PCDH7: variants seen among roughly 807,000 people sequenced by gnomAD.
PCDH7 encodes protocadherin-7.
Under a neutral mutation model 58.9 loss-of-function variants are expected in PCDH7, and 17 were observed. The ratio of observed to expected loss-of-function variants is 0.29; its 90% CI spans 0.20 to 0.43. The LOEUF (loss-of-function observed/expected upper bound fraction) is 0.43, where lower values mean the gene tolerates loss of function less well. Ranked by LOEUF, PCDH7 falls within the 20% of genes least tolerant of loss-of-function variation. PCDH7 has a pLI of 1.00. For synonymous variants in PCDH7, 664 were observed against 616.4 expected (o/e 1.08, Z -1.14); for missense variants, 1,274 against 1,441.0 (o/e 0.88, Z 1.88).
At chr4:31,079,311 T>G (rs1428982041) in intron 3 of PCDH7, among the ~76,000 whole-genome samples, 3 of 1,452 alleles carry the variant, frequency 2.1e-3, no homozygotes, top group African/African-American at 6.8e-3. Flanking sequence ...TACTGGAAGA[T>G]ATATATATAT....
At position 31,041,101 on chromosome 4, in the gene PCDH7, A is replaced by G. The variant is rs1755823308; in HGVS notation, c.*7+90886A>G. On this transcript the variant is annotated intron_variant, in intron 3 of 3. Coordinates refer to the PCDH7 transcript ENST00000509759. ...TTCTGTAATACTTCACAAATTTGGAACATCAACTCTATAAGGGATTTAGTT... is the reference window on the plus strand; with the variant it reads ...TTCTGTAATACTTCACAAATTTGGAGCATCAACTCTATAAGGGATTTAGTT... 2.0e-5 allele frequency among the ~76,000 whole-genome samples: 3 copies of G among 152,200 alleles called. No homozygotes were observed. In the South Asian group the frequency reaches 6.2e-4, roughly 31 times the overall value.
At chr4:31,023,241 A>G (rs991628041) in intron 3 of PCDH7, among the ~76,000 whole-genome samples, 1 of 152,194 alleles carries the variant, frequency 6.6e-6, no homozygotes, top group African/African-American at 2.4e-5. Flanking sequence ...ATTATTGGCA[A>G]CACCAGAATC....
intron 1 of PCDH7, among the ~76,000 whole-genome samples, chr4:30,904,280 G>C (rs1221149072): frequency 2.0e-5 from 3 of 152,082 alleles, no homozygotes; most frequent in Admixed American, 1.3e-4. Flanking sequence ...CTAAAATCAA[G>C]GGGGCTGGCA....
chr4:31,008,314 G>A (rs1219135079), intron 3 of PCDH7, among the ~76,000 whole-genome samples: 3 of 151,932 alleles, frequency 2.0e-5, no homozygotes, highest in Admixed American at 1.3e-4. Flanking sequence ...TAGCTTTTGG[G>A]GAAAAATATA....
chr4:31,036,409 C>T (rs1307785241), intron 3 of PCDH7, among the ~76,000 whole-genome samples: 1 of 152,124 alleles, frequency 6.6e-6, no homozygotes, highest in East Asian at 1.9e-4. Context: ...TGGTCTCAAA[C>T]TCCTGACCTC....
At chr4:30,850,396 A>G (rs1732567531) in intron 1 of PCDH7, among the ~76,000 whole-genome samples, 1 of 152,090 alleles carries the variant, frequency 6.6e-6, no homozygotes, top group Non-Finnish European at 1.5e-5. Context: ...TGACCAAGCC[A>G]TAGACTATTT....
In PCDH7 at chr4:30,721,987, G is replaced by A. The variant is rs1252151670; in HGVS notation, c.565G>A (p.Gly189Ser). Residue 189 changes from glycine (G) to serine (S), a missense_variant, in exon 1 of 2, where the codon GGC becomes AGC. Around this residue, in one of 3 missense-constraint regions of PCDH7, gnomAD observed 331 missense variants for 303.2 expected, o/e 1.09. Transcript: ENST00000361762. This position sits in a 1 kb window ranked among gnomAD's most constrained non-coding sequence, Gnocchi z 6.7. ...CGAGCTGCTCCAGGAGCCCGGAGGC[G>A]GCGGCAGCGGCGGCGAGAGCCGGCG... 5 of 1,303,090 alleles carry A rather than the reference G, an allele frequency of 3.8e-6. No individual in the cohort carries two copies. The African/African-American group carries it at 7.7e-5, about 20-fold the overall frequency. 80.7% of individuals were successfully genotyped at this position (1,303,090 alleles called of 1,614,324 possible).
At chr4:30,778,810 C>T (rs746165555) in intron 1 of PCDH7, among the ~76,000 whole-genome samples, 19 of 152,016 alleles carry the variant, frequency 1.2e-4, no homozygotes, top group Admixed American at 5.2e-4. Context: ...CCCAAATCTT[C>T]AACGTCTTTG....
At chr4:30,913,839 A>G (rs975489512) in intron 1 of PCDH7, among the ~76,000 whole-genome samples, 4 of 152,220 alleles carry the variant, frequency 2.6e-5, no homozygotes, top group African/African-American at 9.6e-5. Flanking sequence ...TTCAGAAAAC[A>G]AAACTACCCA....
chr4:30,852,109 G>A (rs900370483), intron 1 of PCDH7, among the ~76,000 whole-genome samples: 3 of 152,050 alleles, frequency 2.0e-5, no homozygotes, highest in Admixed American at 6.6e-5. Flanking sequence ...ATTTTCTTAT[G>A]TAAGAAGGAT....
chr4:31,032,377 G>A (rs892735024), intron 3 of PCDH7, among the ~76,000 whole-genome samples: 2 of 152,162 alleles, frequency 1.3e-5, no homozygotes, highest in African/African-American at 2.4e-5. Context: ...GGAGGCCAAG[G>A]CGGGTGGATC....
At chr4:30,870,261 T>A (rs1481023190) in intron 1 of PCDH7, among the ~76,000 whole-genome samples, 1 of 152,128 alleles carries the variant, frequency 6.6e-6, no homozygotes, top group East Asian at 1.9e-4. Flanking sequence ...GGTAGTTTAT[T>A]TTGCTGTGCA....
chr4:30,836,917 C>T (rs1016010277), intron 1 of PCDH7, among the ~76,000 whole-genome samples: 3 of 152,014 alleles, frequency 2.0e-5, no homozygotes, highest in Admixed American at 6.6e-5. Context: ...TCATTATCAC[C>T]GACTCACTTT....
intron 3 of PCDH7, among the ~76,000 whole-genome samples, chr4:30,951,951 A>G (rs1216815755): frequency 6.6e-6 from 1 of 152,080 alleles, no homozygotes. Context: ...TACTCACTAA[A>G]TGTTGATTAA....
chr4:30,726,028 G>A (rs575974408), intron 1 of PCDH7, among the ~76,000 whole-genome samples: 1 of 152,062 alleles, frequency 6.6e-6, no homozygotes, highest in African/African-American at 2.4e-5. Flanking sequence ...TATGTCCTTT[G>A]GTGTATGTGA....
intron 1 of PCDH7, among the ~76,000 whole-genome samples, chr4:30,829,646 T>A (rs1246697170): frequency 6.6e-6 from 1 of 152,118 alleles, no homozygotes; most frequent in African/African-American, 2.4e-5. Flanking sequence ...GTATCTAAGT[T>A]GAAATCTTAC....
intron 3 of PCDH7, among the ~76,000 whole-genome samples, chr4:31,002,615 A>C (rs1463813182): frequency 6.6e-6 from 1 of 152,228 alleles, no homozygotes; most frequent in Non-Finnish European, 1.5e-5. Context: ...CAAATAACAA[A>C]ATTTCAGTAA....
At chr4:31,112,146 T>C (rs748093810) in intron 3 of PCDH7, among the ~76,000 whole-genome samples, 1 of 152,222 alleles carries the variant, frequency 6.6e-6, no homozygotes, top group African/African-American at 2.4e-5. Context: ...CCTTTTTATA[T>C]ACTAACTTGC....
Position 30,980,240 on chromosome 4 carries a change from G to A in PCDH7, c.*7+30025G>A, listed in dbSNP as rs756413881. Among the ~76,000 whole-genome samples, 11 of 152,200 alleles carry A rather than the reference G, an allele frequency of 7.2e-5. No individual in the cohort carries two copies. The South Asian group carries it at 8.3e-4, about 11-fold the overall frequency. On this transcript the variant is annotated intron_variant, in intron 3 of 3. Transcript: ENST00000509759. ...AACAGGACTACAGTGGAGCTTTCTG[G>A]TAACAAAACACATTTTTCTAAATAT...
Sources: allele counts gnomAD v4.1 joint callset (sites outside exome capture counted in the v4.1 genomes callset), GRCh38; gene constraint gnomAD v4.1.1; regional missense constraint gnomAD v4.1.1; non-coding constraint Gnocchi (gnomAD v3.1); transcripts MANE v1.5; gene names NCBI Gene and HGNC (gene_info 2026-07-23, HGNC 2026-07-21).